The following ARMH3 variants were observed in gnomAD, a reference collection of about 807,000 sequenced individuals.
ARMH3 encodes the protein armadillo like helical domain containing 3.
In ARMH3, 60 loss-of-function variants were observed where a neutral mutation model predicts 99.1. That is an observed-to-expected ratio of 0.61 (90% CI 0.49 to 0.75). The LOEUF is 0.75. Among genes scored for constraint, ARMH3 ranks in the 30% least tolerant of loss-of-function variants. ARMH3 has a pLI of 0.00. For missense variants in ARMH3, 679 were observed against 843.1 expected (o/e 0.81, Z 2.41); for synonymous variants, 285 against 292.8 (o/e 0.97, Z 0.27).
chr10:101,977,205 G>A (rs896792472), intron 19 of ARMH3, among the ~76,000 whole-genome samples: 1 of 151,972 alleles, frequency 6.6e-6, no homozygotes, highest in Non-Finnish European at 1.5e-5. Flanking sequence ...GAATATTCAG[G>A]GTTATTCACA....
At chr10:101,984,952 C>CCA (rs1453937949) in intron 19 of ARMH3, among the ~76,000 whole-genome samples, 4 of 151,440 alleles carry the variant, frequency 2.6e-5, no homozygotes, top group Admixed American at 1.3e-4. Context: ...GCCTATAATC[C>CCA]CAGCTACTTG....
chr10:101,985,182 A>C (rs1277568627), intron 19 of ARMH3, among the ~76,000 whole-genome samples: 1 of 145,206 alleles, frequency 6.9e-6, no homozygotes, highest in Non-Finnish European at 1.5e-5. Context: ...ACATATATGA[A>C]TATATATGTG....
chr10:102,023,397 T>A, intron 8 of ARMH3, 80 bp downstream of exon 8: 1 of 1,297,242 alleles, frequency 7.7e-7, no homozygotes, highest in Non-Finnish European at 1.1e-6. Flanking sequence ...GTCTTCTACA[T>A]TAAGCAAAGT....
intron 14 of ARMH3, among the ~76,000 whole-genome samples, chr10:102,002,985 A>C (rs1291923112): frequency 6.6e-6 from 1 of 151,002 alleles, no homozygotes; most frequent in Non-Finnish European, 1.5e-5. Flanking sequence ...ATAAATAAAT[A>C]AATAAATAAA....
At chr10:102,007,656 TAAAAAAAAAAA>T (rs961346897) in intron 13 of ARMH3, among the ~76,000 whole-genome samples, 15 of 54,978 alleles carry the variant, frequency 2.7e-4, no homozygotes, top group South Asian at 6.7e-4. Flanking sequence ...CTGTCTCTAC[TAAAAAAAAAAA>T]AAAAAAAAAA....
intron 23 of ARMH3, among the ~76,000 whole-genome samples, chr10:101,902,560 C>G (rs755717330): frequency 4.6e-5 from 7 of 152,062 alleles, no homozygotes; most frequent in Non-Finnish European, 8.8e-5. Context: ...CGCACAGGCA[C>G]TCATACGTGC....
intron 20 of ARMH3, among the ~76,000 whole-genome samples, chr10:101,967,803 A>G (rs1222347485): frequency 6.6e-6 from 1 of 152,180 alleles, no homozygotes; most frequent in Non-Finnish European, 1.5e-5. Flanking sequence ...GTCTGGATGC[A>G]AGCCTAAGCA....
chr10:101,919,289 C>T (rs756255242), intron 23 of ARMH3, among the ~76,000 whole-genome samples: 4 of 152,120 alleles, frequency 2.6e-5, no homozygotes, highest in Non-Finnish European at 5.9e-5. Context: ...CCCCCAACAG[C>T]CTCACCAGTT....
At chr10:101,908,882 C>T (rs1390467077) in intron 23 of ARMH3, among the ~76,000 whole-genome samples, 4 of 151,690 alleles carry the variant, frequency 2.6e-5, no homozygotes, top group African/African-American at 7.3e-5. Context: ...AGGCTGGTCT[C>T]GCACTCCTGA....
At chr10:101,978,023 C>G (rs1326672638) in intron 19 of ARMH3, among the ~76,000 whole-genome samples, 2 of 152,176 alleles carry the variant, frequency 1.3e-5, no homozygotes, top group Non-Finnish European at 2.9e-5. Context: ...AGGAAACAGT[C>G]AACAAATTCC....
At chr10:101,894,070 C>G (rs939232835) in intron 23 of ARMH3, among the ~76,000 whole-genome samples, 4 of 152,102 alleles carry the variant, frequency 2.6e-5, no homozygotes, top group Non-Finnish European at 5.9e-5. Flanking sequence ...GTTTAGAAAC[C>G]TGAGTAAGGT....
At chr10:101,853,479 G>T (rs1000626991) in intron 24 of ARMH3, among the ~76,000 whole-genome samples, 2 of 152,176 alleles carry the variant, frequency 1.3e-5, no homozygotes, top group African/African-American at 4.8e-5. Flanking sequence ...GCCACACTTA[G>T]GGAGAGGGCC....
rs372937327 is a variant in ARMH3, at chr10:101,849,836, G to A, written c.1917C>T (p.Gly639=). Reference sequence around the variant, plus strand: ...CTGAGTAGCGCTCATACTGGTCCAGGCCATCCTGCAGCTTCAGCGTGAGCG... The same window carrying A: ...CTGAGTAGCGCTCATACTGGTCCAGACCATCCTGCAGCTTCAGCGTGAGCG... ...YDTLTLKLQD[G]LDQYERYSEQ... Residue 639 remains glycine (G), a synonymous_variant, in exon 25 of 26, where the codon GGC becomes GGT. Transcript: ENST00000370033. 1.7e-5 allele frequency: 28 copies of A among 1,614,026 alleles called. No homozygotes were observed. The highest frequency in any genetic ancestry group is 2.3e-5 in the Non-Finnish European group (27 of 1,180,042).
intron 19 of ARMH3, among the ~76,000 whole-genome samples, chr10:101,990,061 T>C (rs1402789391): frequency 6.6e-6 from 1 of 152,172 alleles, no homozygotes; most frequent in Non-Finnish European, 1.5e-5. Context: ...ATCCACATTG[T>C]GGTTTGTGCT....
At chr10:101,991,846 G>A (rs912347697) in intron 18 of ARMH3, 123 bp downstream of exon 18, 6 of 1,032,734 alleles carry the variant, frequency 5.8e-6, no homozygotes, top group Non-Finnish European at 8.8e-6. Flanking sequence ...TTAGGCCAGG[G>A]AAAAAACACA....
At chr10:101,929,099 C>T (rs1167262393) in intron 23 of ARMH3, among the ~76,000 whole-genome samples, 3 of 152,236 alleles carry the variant, frequency 2.0e-5, no homozygotes, top group African/African-American at 7.2e-5. Flanking sequence ...GAACTAGACT[C>T]TAGTTCTAAA....
rs1356091607 is a variant in ARMH3, at chr10:101,964,384, C to CA, written c.1496-6653dup. Reference sequence around the variant, plus strand: ...TAAGATAATTAAACGCACACAATCTCAAAAAAACAAGCGATTGCAGGAACT... The same window carrying CA: ...TAAGATAATTAAACGCACACAATCTCAAAAAAAACAAGCGATTGCAGGAACT... On this transcript the variant is annotated intron_variant, in intron 20 of 25. Transcript: ENST00000370033. Among the ~76,000 whole-genome samples, 7 of 152,016 alleles carry CA rather than the reference C, an allele frequency of 4.6e-5. 1 individual carries two copies. The highest frequency in any genetic ancestry group is 2.0e-4 in the Admixed American group (3 of 15,264).
At chr10:102,035,194 G>C (rs2067222768) in intron 2 of ARMH3, among the ~76,000 whole-genome samples, 1 of 151,904 alleles carries the variant, frequency 6.6e-6, no homozygotes, top group African/African-American at 2.4e-5. Flanking sequence ...GGCTAACACA[G>C]TGAAATAAAA....
intron 20 of ARMH3, among the ~76,000 whole-genome samples, chr10:101,966,615 A>T (rs1845556105): frequency 6.6e-6 from 1 of 152,068 alleles, no homozygotes; most frequent in Non-Finnish European, 1.5e-5. Context: ...GCCATCTTAC[A>T]CAGTGCCCCC....
Sources: gnomAD v4.1 joint callset for allele counts (sites outside exome capture counted in the v4.1 genomes callset) on GRCh38, gnomAD v4.1.1 for gene constraint, MANE v1.5 for transcripts, NCBI Gene and HGNC (gene_info 2026-07-23, HGNC 2026-07-21) for gene names.